The following MAD1L1 variants were observed in gnomAD, a reference collection of about 807,000 sequenced individuals.
MAD1L1 encodes the protein mitotic spindle assembly checkpoint protein MAD1.
In MAD1L1, 95 loss-of-function variants were observed where a neutral mutation model predicts 96.9. The ratio of observed to expected loss-of-function variants is 0.98; its 90% CI spans 0.83 to 1.16. MAD1L1 has a LOEUF of 1.16. MAD1L1 is among the 50% of genes most tolerant of loss of function. The pLI, the probability that MAD1L1 is intolerant of heterozygous loss-of-function variation, is 0.00. For missense variants in MAD1L1, 1,007 were observed against 954.4 expected (o/e 1.06, Z -0.73); for synonymous variants, 473 against 396.6 (o/e 1.19, Z -2.29).
At chr7:1,908,223 C>G (rs1787795595) in intron 17 of MAD1L1, among the ~76,000 whole-genome samples, 1 of 152,224 alleles carries the variant, frequency 6.6e-6, no homozygotes, top group Non-Finnish European at 1.5e-5. Flanking sequence ...TGCCCCGCAA[C>G]TCTCGCGATC....
intron 12 of MAD1L1, among the ~76,000 whole-genome samples, chr7:2,038,769 G>A (rs1442963000): frequency 5.3e-5 from 8 of 151,880 alleles, no homozygotes; most frequent in African/African-American, 4.8e-5. Flanking sequence ...CGCCCACCTC[G>A]ACCTCTCAAA....
chr7:1,878,572 T>TA (rs34728278), intron 18 of MAD1L1, among the ~76,000 whole-genome samples: 10,674 of 148,132 alleles, frequency 0.072, 1,119 homozygotes, highest in African/African-American at 0.23. Context: ...TCAATAGATG[T>TA]AAAAAAAAAA....
chr7:1,914,540 C>T (rs919843710), intron 17 of MAD1L1, among the ~76,000 whole-genome samples: 9 of 152,214 alleles, frequency 5.9e-5, no homozygotes, highest in African/African-American at 1.9e-4. Context: ...TGAAACGAAC[C>T]GGCCCTGATG....
chr7:1,921,824 C>A (rs1290980307), intron 17 of MAD1L1, among the ~76,000 whole-genome samples: 2 of 152,096 alleles, frequency 1.3e-5, no homozygotes, highest in Non-Finnish European at 2.9e-5. Context: ...GTTTAGTGAT[C>A]TGGAAAAAAA....
intron 10 of MAD1L1, among the ~76,000 whole-genome samples, chr7:2,169,777 G>A (rs1347867976): frequency 3.0e-5 from 4 of 133,276 alleles, no homozygotes; most frequent in Admixed American, 7.4e-5. Context: ...GGGGGCACTC[G>A]GAGCAGGGGC....
At chr7:1,943,836 A>T (rs941332401) in intron 16 of MAD1L1, among the ~76,000 whole-genome samples, 1 of 152,176 alleles carries the variant, frequency 6.6e-6, no homozygotes, top group South Asian at 2.1e-4. Context: ...CCAGATGTCC[A>T]TCAGGCGATG....
At chr7:2,139,915 TCACTC>T (rs1788941564) in intron 11 of MAD1L1, among the ~76,000 whole-genome samples, 1 of 152,174 alleles carries the variant, frequency 6.6e-6, no homozygotes, top group Non-Finnish European at 1.5e-5. Context: ...GCTCTAGGCT[TCACTC>T]CACCAAGTAG....
At chr7:1,867,277 T>C (rs914008406) in intron 18 of MAD1L1, among the ~76,000 whole-genome samples, 58 of 151,960 alleles carry the variant, frequency 3.8e-4, no homozygotes, top group Non-Finnish European at 5.1e-4. Context: ...TCGGGGCTAA[T>C]GGAGGAGGGG....
chr7:1,820,663 G>T (rs996121853), intron 18 of MAD1L1, among the ~76,000 whole-genome samples: 2 of 151,928 alleles, frequency 1.3e-5, no homozygotes, highest in African/African-American at 4.8e-5. Context: ...GGATCACGTG[G>T]GCCTAGGAGT....
intron 17 of MAD1L1, among the ~76,000 whole-genome samples, chr7:1,902,964 C>T (rs1416811559): frequency 1.1e-4 from 17 of 148,790 alleles, no homozygotes; most frequent in East Asian, 2.0e-4. Context: ...TCCAGGCAAG[C>T]GAGGACCCAG....
chr7:2,121,914 G>T (rs1384197130), intron 11 of MAD1L1, among the ~76,000 whole-genome samples: 1 of 152,240 alleles, frequency 6.6e-6, no homozygotes, highest in Non-Finnish European at 1.5e-5. Flanking sequence ...GGGACACGTG[G>T]ACACCTGAGG....
intron 11 of MAD1L1, among the ~76,000 whole-genome samples, chr7:2,132,315 G>A (rs1172755234): frequency 1.3e-5 from 2 of 152,190 alleles, no homozygotes; most frequent in Non-Finnish European, 2.9e-5. Flanking sequence ...TGGACACGTG[G>A]GCTCACTTGT....
At chr7:2,106,726 C>T (rs566222999) in intron 11 of MAD1L1, among the ~76,000 whole-genome samples, 4 of 152,244 alleles carry the variant, frequency 2.6e-5, no homozygotes, top group Non-Finnish European at 4.4e-5. Context: ...AGGGCCTCCA[C>T]GAAACCTGAG....
intron 10 of MAD1L1, among the ~76,000 whole-genome samples, chr7:2,153,373 G>T (rs1789673241): frequency 6.6e-6 from 1 of 152,046 alleles, no homozygotes; most frequent in Non-Finnish European, 1.5e-5. Flanking sequence ...CCACGAAAAA[G>T]TAGGCAAAGG....
intron 18 of MAD1L1, among the ~76,000 whole-genome samples, chr7:1,820,272 A>G (rs1226214546): frequency 3.9e-5 from 6 of 152,068 alleles, no homozygotes; most frequent in Admixed American, 1.3e-4. Flanking sequence ...TGCCAGACGC[A>G]CCCAAGGCAG....
intron 11 of MAD1L1, among the ~76,000 whole-genome samples, chr7:2,098,631 A>G (rs1786621788): frequency 6.6e-6 from 1 of 152,192 alleles, no homozygotes; most frequent in Admixed American, 6.5e-5. Context: ...AGACACGTCC[A>G]TCCAGCACAG....
At chr7:1,879,439 G>A (rs1785558562) in intron 18 of MAD1L1, among the ~76,000 whole-genome samples, 1 of 133,782 alleles carries the variant, frequency 7.5e-6, no homozygotes, top group Admixed American at 8.0e-5. Context: ...TGAGTGACAA[G>A]AGTGAGACTT....
intron 11 of MAD1L1, among the ~76,000 whole-genome samples, chr7:2,096,310 C>A (rs184790431): frequency 5.7e-4 from 87 of 152,316 alleles, no homozygotes; most frequent in African/African-American, 2.0e-3. Flanking sequence ...CCCAGTCCTC[C>A]GGCGCAAAGA....
At chr7:2,190,858 C>T (rs897743788) in intron 10 of MAD1L1, among the ~76,000 whole-genome samples, 1 of 152,120 alleles carries the variant, frequency 6.6e-6, no homozygotes, top group African/African-American at 2.4e-5. Flanking sequence ...GTGGGGCCAG[C>T]GGAATTCTCA....
Sources: gnomAD v4.1 joint callset for allele counts (sites outside exome capture counted in the v4.1 genomes callset) on GRCh38, gnomAD v4.1.1 for gene constraint, MANE v1.5 for transcripts, NCBI Gene and HGNC (gene_info 2026-07-23, HGNC 2026-07-21) for gene names.